Variants in PSPC1 observed in about 807,000 individuals in gnomAD.
PSPC1 encodes paraspeckle protein 1.
Under a neutral mutation model 51.6 loss-of-function variants are expected in PSPC1, and 14 were observed. The observed-to-expected ratio is 0.27, with a 90% confidence interval of 0.18 to 0.42. PSPC1 has a LOEUF of 0.42. Ranked by LOEUF, PSPC1 falls within the 10% of genes least tolerant of loss-of-function variation. PSPC1 has a pLI of 1.00. For synonymous variants in PSPC1, 193 were observed against 231.9 expected, an observed-to-expected ratio of 0.83 and a Z score of 1.53; for missense variants, 406 against 701.1, an observed-to-expected ratio of 0.58 and a Z score of 4.75.
At chr13:19,679,441 A>G (rs773165732) in intron 6 of PSPC1, among the ~76,000 whole-genome samples, 1 of 152,220 alleles carries the variant, frequency 6.6e-6, no homozygotes, top group Non-Finnish European at 1.5e-5. Flanking sequence ...GGTTGAAGTG[A>G]GCTGAGATCA....
intron 6 of PSPC1, chr13:19,678,008 T>C (rs1876861870): frequency 3.1e-6 from 1 of 326,738 alleles, no homozygotes; most frequent in Admixed American, 4.3e-5. Flanking sequence ...ATACTCTCCA[T>C]TTCCTCAAAG....
chr13:19,778,624 C>T (rs1303064521), intron 1 of PSPC1, among the ~76,000 whole-genome samples: 14 of 127,570 alleles, frequency 1.1e-4, no homozygotes, highest in Middle Eastern at 7.6e-3. Context: ...CCGCCAACCT[C>T]GGCCTCCCGA....
chr13:19,757,533 A>G (rs147097488), intron 3 of PSPC1, among the ~76,000 whole-genome samples: 93 of 152,296 alleles, frequency 6.1e-4, no homozygotes, highest in African/African-American at 2.1e-3. Context: ...GCAGGAAAAT[A>G]CAGTCTGGAA....
chr13:19,748,371 G>C (rs575337930), intron 4 of PSPC1, among the ~76,000 whole-genome samples: 6 of 152,290 alleles, frequency 3.9e-5, no homozygotes, highest in African/African-American at 1.4e-4. Flanking sequence ...GAACCCAGAA[G>C]CAGGGAGTAG....
intron 2 of PSPC1, among the ~76,000 whole-genome samples, chr13:19,770,661 G>A (rs1224836992): frequency 6.6e-6 from 1 of 151,992 alleles, no homozygotes; most frequent in Non-Finnish European, 1.5e-5. Flanking sequence ...AGTGGTTCAC[G>A]CTTGTAATCC....
intron 6 of PSPC1, among the ~76,000 whole-genome samples, chr13:19,722,496 T>C (rs1450734130): frequency 6.6e-6 from 1 of 151,466 alleles, no homozygotes; most frequent in Non-Finnish European, 1.5e-5. Flanking sequence ...CGAGAGCCTG[T>C]CTTAAAAAAA....
chr13:19,775,519 A>AT (rs1593781156), intron 1 of PSPC1, among the ~76,000 whole-genome samples: 1 of 152,224 alleles, frequency 6.6e-6, no homozygotes, highest in Non-Finnish European at 1.5e-5. Context: ...TTTACACAGT[A>AT]TAAGGATTTG....
intron 6 of PSPC1, among the ~76,000 whole-genome samples, chr13:19,694,742 C>A (rs867717093): frequency 3.3e-5 from 5 of 152,210 alleles, no homozygotes; most frequent in Non-Finnish European, 7.3e-5. Flanking sequence ...CCAAATGCCA[C>A]TACTACTAGG....
intron 6 of PSPC1, among the ~76,000 whole-genome samples, chr13:19,681,474 G>A (rs1877261453): frequency 6.6e-6 from 1 of 152,074 alleles, no homozygotes; most frequent in Non-Finnish European, 1.5e-5. Context: ...GATCTAATGA[G>A]CATGGAAGCT....
intron 1 of PSPC1, among the ~76,000 whole-genome samples, chr13:19,773,292 C>T (rs1471853629): frequency 2.0e-5 from 3 of 148,412 alleles, no homozygotes; most frequent in Non-Finnish European, 4.4e-5. Flanking sequence ...CACTGTCACC[C>T]GGGCTAGAGT....
intron 1 of PSPC1, among the ~76,000 whole-genome samples, chr13:19,773,249 ATTT>A (rs572248368): frequency 1.1e-3 from 151 of 133,898 alleles, no homozygotes; most frequent in Middle Eastern, 4.0e-3. Context: ...TTTTTATCTC[ATTT>A]TTTTTTTTTT....
chr13:19,705,265 C>T (rs1198836690), intron 8 of PSPC1, among the ~76,000 whole-genome samples: 1 of 152,330 alleles, frequency 6.6e-6, no homozygotes, highest in South Asian at 2.1e-4. Flanking sequence ...GAGGCCGAGG[C>T]GGGCGGATCA....
chr13:19,766,200 C>T (rs1230016286), intron 2 of PSPC1, among the ~76,000 whole-genome samples: 2 of 151,974 alleles, frequency 1.3e-5, no homozygotes, highest in East Asian at 1.9e-4. Context: ...TAGTGAAACC[C>T]CGTCTCTACT....
At chr13:19,685,310 A>G (rs1257605255) in intron 6 of PSPC1, among the ~76,000 whole-genome samples, 2 of 152,226 alleles carry the variant, frequency 1.3e-5, no homozygotes, top group South Asian at 4.1e-4. Context: ...GTTAGAACAC[A>G]TACTATTTCC....
intron 6 of PSPC1, among the ~76,000 whole-genome samples, chr13:19,712,566 T>C (rs1881579892): frequency 6.6e-6 from 1 of 152,178 alleles, no homozygotes. Context: ...ATCTATGGTT[T>C]TAAGTTAACT....
In PSPC1 at chr13:19,727,462, C is replaced by T. The variant is rs189653585; in HGVS notation, c.1158+2777G>A. Among the ~76,000 whole-genome samples, 48 of 152,078 alleles carry T rather than the reference C, an allele frequency of 3.2e-4. 1 individual carries two copies. The highest frequency in any genetic ancestry group is 1.1e-3 in the African/African-American group (45 of 41,524). On this transcript the variant is annotated intron_variant, in intron 6 of 8. Transcript: ENST00000338910. ...ACCAAGTAACATACAATTTAAACAT[C>T]ACCCCAATTTTCCTAACCCAAATAT...
chr13:19,700,133 C>A (rs1355651370), downstream of PSPC1, among the ~76,000 whole-genome samples: 2 of 152,052 alleles, frequency 1.3e-5, no homozygotes, highest in Non-Finnish European at 2.9e-5. Context: ...TTGTAATGAT[C>A]AACCTAATCC....
intron 6 of PSPC1, among the ~76,000 whole-genome samples, chr13:19,716,121 G>A (rs1227794556): frequency 6.6e-6 from 1 of 152,026 alleles, no homozygotes; most frequent in Non-Finnish European, 1.5e-5. Flanking sequence ...TTTGGATCTG[G>A]GTCCCATCCC....
chr13:19,720,219 G>A (rs1882599106), intron 6 of PSPC1, among the ~76,000 whole-genome samples: 1 of 152,118 alleles, frequency 6.6e-6, no homozygotes, highest in Non-Finnish European at 1.5e-5. Context: ...CATAATACTG[G>A]TGACTGGTTT....
Sources: gnomAD v4.1 joint callset for allele counts (sites outside exome capture counted in the v4.1 genomes callset) on GRCh38, gnomAD v4.1.1 for gene constraint, MANE v1.5 for transcripts, NCBI Gene and HGNC (gene_info 2026-07-23, HGNC 2026-07-21) for gene names.